IQUB: variants seen among roughly 807,000 people sequenced by gnomAD.
The protein encoded by IQUB is IQ motif and ubiquitin domain containing, also known as IQ motif and ubiquitin-like domain-containing protein.
In IQUB, 86 loss-of-function variants were observed where a neutral mutation model predicts 86.4. The observed-to-expected ratio is 1.00, with a 90% CI of 0.84 to 1.19. The LOEUF (loss-of-function observed/expected upper bound fraction) is 1.19. IQUB is among the 50% of genes most tolerant of loss of function. The pLI, the probability that IQUB is intolerant of heterozygous loss-of-function variation, is 0.00. For synonymous variants in IQUB, 289 were observed against 304.5 expected, an observed-to-expected ratio of 0.95 and a Z score of 0.53; for missense variants, 946 against 916.9, an observed-to-expected ratio of 1.03 and a Z score of -0.41.
intron 8 of IQUB, among the ~76,000 whole-genome samples, chr7:123,477,101 G>A (rs773978358): frequency 5.9e-5 from 9 of 152,006 alleles, no homozygotes; most frequent in Non-Finnish European, 1.2e-4. Flanking sequence ...TAAAGTTCAT[G>A]TGGAAGCAAA....
At chr7:123,527,674 T>C (rs1797309161) in intron 1 of IQUB, among the ~76,000 whole-genome samples, 3 of 152,194 alleles carry the variant, frequency 2.0e-5, no homozygotes, top group African/African-American at 7.2e-5. Flanking sequence ...CTGCCCGTTC[T>C]CAGATCTCCA....
chr7:123,531,727 T>C (rs979950802), intron 1 of IQUB, among the ~76,000 whole-genome samples: 4 of 152,264 alleles, frequency 2.6e-5, no homozygotes, highest in African/African-American at 9.6e-5. Flanking sequence ...ATTTTATAAA[T>C]ATATTTTAAC....
intron 6 of IQUB, among the ~76,000 whole-genome samples, chr7:123,499,412 A>G (rs1795845775): frequency 6.6e-6 from 1 of 152,184 alleles, no homozygotes; most frequent in African/African-American, 2.4e-5. Flanking sequence ...ATCTGGCCTC[A>G]TCCCAAAATA....
intron 1 of IQUB, among the ~76,000 whole-genome samples, chr7:123,513,217 GCTA>G (rs1365459410): frequency 6.6e-6 from 1 of 152,034 alleles, no homozygotes; most frequent in African/African-American, 2.4e-5. Flanking sequence ...GAATTCTCTG[GCTA>G]CTAAGTTATA....
At chr7:123,474,246 T>G (rs910715018) in intron 8 of IQUB, among the ~76,000 whole-genome samples, 12 of 152,226 alleles carry the variant, frequency 7.9e-5, no homozygotes, top group African/African-American at 2.9e-4. Context: ...CTGTATATTG[T>G]GGTGTTAAAT....
chr7:123,465,596 T>G (rs1794215260), intron 9 of IQUB, among the ~76,000 whole-genome samples: 1 of 152,018 alleles, frequency 6.6e-6, no homozygotes, highest in Non-Finnish European at 1.5e-5. Context: ...AAGCCACAAG[T>G]AACAAGCGAT....
Position 123,502,732 on chromosome 7 carries a change from AT to A in IQUB, c.887del (p.Asn296IlefsTer13), listed in dbSNP as rs776183033. The stretch of plus-strand genomic sequence containing the variant: ...ATGTTGTATTTGTAGTTTGTTGGAG[AT>A]TTTTTTTCTGAAAAACTGTCTAAAA... The part of the protein sequence containing the change: ...RDTQTVFQKK[N>X]LQQTTNTTST... On this transcript the variant is annotated frameshift_variant, in exon 6 of 13. Coordinates refer to ENST00000324698, the MANE Select transcript of IQUB (RefSeq NM_178827.5). LOFTEE classifies it high-confidence loss of function. 2.5e-6 allele frequency: 4 copies of A among 1,601,974 alleles called. No individual in the cohort carries two copies. The highest frequency in any genetic ancestry group is 2.3e-5 in the South Asian group (2 of 87,990).
chr7:123,513,317 G>C (rs1366204838), intron 1 of IQUB, among the ~76,000 whole-genome samples: 1 of 152,184 alleles, frequency 6.6e-6, no homozygotes, highest in African/African-American at 2.4e-5. Flanking sequence ...GAGAGTTGAA[G>C]AGAGAATTAG....
rs368050063 is a variant in IQUB, at chr7:123,526,680, A to T, written c.-5+7812T>A. ...TTGCCAGTCTGTGTCTTTTAATTGGAGCATTTAGTCCATTTACATTTAAAG... is the reference window on the plus strand; with the variant it reads ...TTGCCAGTCTGTGTCTTTTAATTGGTGCATTTAGTCCATTTACATTTAAAG... On this transcript the variant is annotated intron_variant, in intron 1 of 12. Transcript: ENST00000324698. Among the ~76,000 whole-genome samples, 871 of 150,900 alleles carry T rather than the reference A, an allele frequency of 5.8e-3. 26 individuals carry two copies. The highest frequency in any genetic ancestry group is 0.039 in the Admixed American group (592 of 15,158).
intron 10 of IQUB, chr7:123,462,883 C>T: frequency 2.2e-6 from 1 of 453,226 alleles, no homozygotes; most frequent in South Asian, 1.6e-5. Flanking sequence ...ATTATGATGA[C>T]AGAGGGCTCC....
At chr7:123,511,388 T>C (rs1796407816) in intron 2 of IQUB, among the ~76,000 whole-genome samples, 1 of 152,350 alleles carries the variant, frequency 6.6e-6, no homozygotes, top group East Asian at 1.9e-4. Context: ...AACTACTGTA[T>C]GCTATCAACA....
intron 3 of IQUB, 57 bp downstream of exon 3, chr7:123,509,844 T>C: frequency 7.0e-7 from 1 of 1,420,018 alleles, no homozygotes; most frequent in South Asian, 1.3e-5. Context: ...AGATCTTGAT[T>C]GTTTACATGT....
Position 123,464,836 on chromosome 7 carries a change from A to C in IQUB, c.1755T>G (p.Leu585=), listed in dbSNP as rs938162029. 5 of 1,567,300 alleles carry C rather than the reference A, an allele frequency of 3.2e-6. No individual in the cohort carries two copies. The highest frequency in any genetic ancestry group is 4.3e-6 in the Non-Finnish European group (5 of 1,157,526). ...TATAGAGAAAAATGTAGAATACCTT[A>C]AGGTATTTTGCAACTTCAGGATTAA... ...PLFNPEVAKY[L]KVPQDPLKFY... is the part of the protein sequence containing the mutation. The change falls in exon 10 of 13, where the codon CTT becomes CTG. Residue 585 remains leucine, a synonymous_variant. Coordinates refer to ENST00000324698, the MANE Select transcript of IQUB (RefSeq NM_178827.5).
intron 12 of IQUB, among the ~76,000 whole-genome samples, chr7:123,453,366 C>G (rs1271898392): frequency 2.7e-5 from 4 of 146,406 alleles, no homozygotes; most frequent in Non-Finnish European, 4.5e-5. Flanking sequence ...AAACTGTCAC[C>G]ACCAAGAAGA....
At chr7:123,459,311 C>T (rs756526168) in intron 11 of IQUB, among the ~76,000 whole-genome samples, 2 of 151,808 alleles carry the variant, frequency 1.3e-5, no homozygotes, top group East Asian at 1.9e-4. Context: ...TTTGGTCAAA[C>T]GGTATTCTGG....
chr7:123,529,724 T>TAAAAAAAAAA lies in IQUB; in HGVS notation c.-5+4758_-5+4767dup, dbSNP rs753026777. ...AACATAGTGAAACCCTGTCTCTACT[T>TAAAAAAAAAA]AAAAAAAAAAAAAAAAAAAAAAAAA... On this transcript the variant is annotated intron_variant, in intron 1 of 12. Coordinates refer to ENST00000324698, the MANE Select transcript of IQUB (RefSeq NM_178827.5). 3.6e-3 allele frequency among the ~76,000 whole-genome samples: 128 copies of TAAAAAAAAAA among 35,822 alleles called. 20 individuals are homozygous for TAAAAAAAAAA. The highest frequency in any genetic ancestry group is 0.014 in the African/African-American group (111 of 7,922). 23.5% of individuals were successfully genotyped at this position (35,822 alleles called of 152,430 possible). A position where few individuals can be genotyped will look rare whatever the true frequency, so the allele number is the denominator to read the frequency against.
chr7:123,476,185 G>T (rs1010662185), intron 8 of IQUB, among the ~76,000 whole-genome samples: 3 of 152,122 alleles, frequency 2.0e-5, no homozygotes, highest in Non-Finnish European at 2.9e-5. Context: ...CAGGCATGTA[G>T]GTACAATAAA....
At chr7:123,489,676 C>A (rs1795372911) in intron 7 of IQUB, among the ~76,000 whole-genome samples, 1 of 149,470 alleles carries the variant, frequency 6.7e-6, no homozygotes. Context: ...AATTAGTATG[C>A]AAAAAGATAC....
In IQUB at chr7:123,499,973, C is replaced by T. The variant is rs534500522; in HGVS notation, c.1023+2624G>A. ...ACCAAAACCAACATGGCGACAAGAG[C>T]GACCTCTGGTCATCCTCACTGCTAC... is the stretch of plus-strand genomic sequence containing the variant. On this transcript the variant is annotated intron_variant, in intron 6 of 12. Transcript: ENST00000324698. Among the ~76,000 whole-genome samples the T allele has an allele frequency of 3.9e-5, 6 of 152,276 alleles. No homozygotes were observed. The South Asian group carries it at 8.3e-4, about 21-fold the overall frequency.
Sources: gnomAD v4.1 joint callset for allele counts (sites outside exome capture counted in the v4.1 genomes callset) on GRCh38, gnomAD v4.1.1 for gene constraint, MANE v1.5 for transcripts, NCBI Gene and HGNC (gene_info 2026-07-23, HGNC 2026-07-21) for gene names.